Variants in FOXP4 observed in about 807,000 individuals in gnomAD.
FOXP4 encodes the protein forkhead box protein P4.
Under a neutral mutation model 82.6 loss-of-function variants are expected in FOXP4, and 25 were observed. That is an observed-to-expected ratio of 0.30 (90% CI 0.22 to 0.42). The LOEUF (loss-of-function observed/expected upper bound fraction) is 0.42. Ranked by LOEUF, FOXP4 falls within the 10% of genes least tolerant of loss-of-function variation. The pLI is 1.00. For synonymous variants in FOXP4, 415 were observed against 388.2 expected (o/e 1.07, Z -0.81); for missense variants, 785 against 900.9 (o/e 0.87, Z 1.65).
At chr6:41,565,612 G>A (rs77244684) in intron 1 of FOXP4, 133 bp from the exon 2 acceptor site, 3 of 800,488 alleles carry the variant, frequency 3.7e-6, no homozygotes, top group East Asian at 5.0e-5. Flanking sequence ...CCCAGGAGCA[G>A]CCTCTGGGAA....
rs1766659180 is a variant in FOXP4 at position 41,593,852 on chromosome 6, G to A, written c.1537-1018G>A. ...AGAGGGATCTCCAGGGGCACGGGCT[G>A]CCTGCCCTACCCGCTTTCTTCCCCG... On this transcript the variant is annotated intron_variant, in intron 13 of 16. Transcript: ENST00000307972. The surrounding 1 kb of genome is among the most constrained non-coding windows in gnomAD (Gnocchi z 4.1). 6.6e-6 allele frequency among the ~76,000 whole-genome samples: 1 copy of A among 152,228 alleles called. No individual in the cohort carries two copies. The highest frequency in any genetic ancestry group is 2.1e-4 in the South Asian group (1 of 4,832).
At chr6:41,587,197 C>T in intron 6 of FOXP4, 41 bp downstream of exon 6, 2 of 1,609,280 alleles carry the variant, frequency 1.2e-6, no homozygotes, top group Non-Finnish European at 1.7e-6. Context: ...CCCAACCCCA[C>T]AGCCCTGCCT....
At chr6:41,552,015 C>T (rs1392226480) in intron 1 of FOXP4, among the ~76,000 whole-genome samples, 4 of 152,200 alleles carry the variant, frequency 2.6e-5, no homozygotes, top group African/African-American at 4.8e-5. Flanking sequence ...CCAGCTGAGA[C>T]AGGACATGTG....
intron 8 of FOXP4, among the ~76,000 whole-genome samples, 188 bp downstream of exon 8, chr6:41,588,085 A>G (rs958110243): frequency 6.6e-6 from 1 of 152,046 alleles, no homozygotes; most frequent in African/African-American, 2.4e-5. Flanking sequence ...TACCCTGTCT[A>G]TATTTCTGGG....
chr6:41,581,237 C>A (rs549851637), intron 3 of FOXP4, among the ~76,000 whole-genome samples: 1 of 152,246 alleles, frequency 6.6e-6, no homozygotes, highest in Non-Finnish European at 1.5e-5. Flanking sequence ...CATTGCCCCC[C>A]ACTCACAGGG....
intron 3 of FOXP4, among the ~76,000 whole-genome samples, chr6:41,582,296 A>T (rs1016736873): frequency 2.0e-5 from 3 of 152,168 alleles, no homozygotes; most frequent in Non-Finnish European, 4.4e-5. Context: ...CACCATCCTC[A>T]CAGGGTTGCC....
chr6:41,596,434 G>T (rs1766837701), intron 14 of FOXP4, among the ~76,000 whole-genome samples: 1 of 152,202 alleles, frequency 6.6e-6, no homozygotes, highest in South Asian at 2.1e-4. Context: ...CCAGGCAGGA[G>T]CCTTTGCACC....
intron 1 of FOXP4, among the ~76,000 whole-genome samples, chr6:41,556,481 C>T (rs1276188202): frequency 6.6e-6 from 1 of 152,012 alleles, no homozygotes; most frequent in Admixed American, 6.6e-5. Flanking sequence ...CCCGCCAACA[C>T]GCCCAGCTAA....
Position 41,593,655 on chromosome 6 carries a change from G to A in FOXP4, c.1537-1215G>A, listed in dbSNP as rs141215657. On this transcript the variant is annotated intron_variant, in intron 13 of 16. Transcript: ENST00000307972. The surrounding 1 kb of genome is among the most constrained non-coding windows in gnomAD (Gnocchi z 4.1). ...TTTATTCCGAGGCAGGAGCCCCGGC[G>A]TGATTAGGCCCTTTGTAATTATCGC... 1.3e-5 allele frequency among the ~76,000 whole-genome samples: 2 copies of A among 152,212 alleles called. No homozygotes were observed. Among genetic ancestry groups the A allele is most frequent in the East Asian group, 1.9e-4 (1 of 5,198 alleles).
chr6:41,581,061 G>GC (rs1200942005), intron 3 of FOXP4, among the ~76,000 whole-genome samples: 1 of 152,222 alleles, frequency 6.6e-6, no homozygotes, highest in Non-Finnish European at 1.5e-5. Context: ...GGCAAAGGTG[G>GC]CTGGGGCCTT....
intron 1 of FOXP4, among the ~76,000 whole-genome samples, chr6:41,564,788 A>G (rs1364469769): frequency 2.6e-5 from 4 of 151,922 alleles, no homozygotes; most frequent in Non-Finnish European, 5.9e-5. Context: ...TGAGGGCTTT[A>G]AAATGGAAGA....
intron 2 of FOXP4, among the ~76,000 whole-genome samples, chr6:41,576,728 G>A (rs1256217164): frequency 6.6e-6 from 1 of 152,142 alleles, no homozygotes; most frequent in Non-Finnish European, 1.5e-5. Context: ...CTAGTAATTT[G>A]GAGATGGGTA....
At chr6:41,584,943 C>T (rs1402111154) in intron 4 of FOXP4, 52 bp downstream of exon 4, 1 of 1,544,140 alleles carries the variant, frequency 6.5e-7, no homozygotes, top group Admixed American at 1.9e-5. Flanking sequence ...TGGCCTGGCT[C>T]CTCCCACCCT....
Position 41,590,087 on chromosome 6 carries a change from C to T in FOXP4, c.1274C>T (p.Pro425Leu), listed in dbSNP as rs1413209908. The change falls in exon 11 of 17, where the codon CCT (proline) becomes CTT (leucine). Residue 425 changes from proline to leucine, a missense_variant. Pro to Leu is a moderately conservative substitution (Grantham distance 98). Around this residue, in one of 3 missense-constraint regions of FOXP4, gnomAD observed 570 missense variants for 634.0 expected, o/e 0.90. Transcript: ENST00000307972. ...GCCCCTGTCACCCCTCTACGGCCCC[C>T]TGGCCTGGGCTCTGCCTCCCTGCAT... ...AAAPVTPLRP[P>L]GLGSASLHGG... 2 of 1,613,772 alleles carry T rather than the reference C, an allele frequency of 1.2e-6. No individual in the cohort carries two copies. The highest frequency in any genetic ancestry group is 1.7e-6 in the Non-Finnish European group (2 of 1,179,890).
At chr6:41,578,463 T>C (rs938771647) in intron 3 of FOXP4, among the ~76,000 whole-genome samples, 6 of 151,912 alleles carry the variant, frequency 3.9e-5, no homozygotes, top group Non-Finnish European at 8.8e-5. Context: ...TGTGTTCCTG[T>C]GTCTGGGGCT....
At chr6:41,597,122 G>A (rs758909967) in intron 14 of FOXP4, 54 bp from the exon 15 acceptor site, 14 of 1,576,044 alleles carry the variant, frequency 8.9e-6, no homozygotes, top group South Asian at 6.6e-5. Context: ...AAAGAGATGC[G>A]AATGAAGAGC....
At position 41,591,210 on chromosome 6, in the gene FOXP4, C is replaced by A; in HGVS notation, c.1435-11C>A. 1 of 1,601,150 alleles carries A rather than the reference C, an allele frequency of 6.2e-7. No homozygotes were observed. The highest frequency in any genetic ancestry group is 8.5e-7 in the Non-Finnish European group (1 of 1,173,322). ...AGGCTGACGGTCCCTTTGCTTGTTCCTTCCCCGCAGGCCATCCTGGAAACC... is the reference window on the plus strand; with the variant it reads ...AGGCTGACGGTCCCTTTGCTTGTTCATTCCCCGCAGGCCATCCTGGAAACC... On this transcript the variant is annotated splice_polypyrimidine_tract_variant and intron_variant, in intron 12 of 16. Transcript: ENST00000307972. This position sits in a 1 kb window ranked among gnomAD's most constrained non-coding sequence, Gnocchi z 4.2.
rs1460016550 is a variant in FOXP4, at chr6:41,576,079, G to A, written c.205-1907G>A. On this transcript the variant is annotated intron_variant, in intron 2 of 16. Transcript: ENST00000307972. ...CCCCCCCACCCTTCCTCCTCTTTCC[G>A]CAGAGCCTTTTGACTTAGAAAGGTC... Among the ~76,000 whole-genome samples, 9 of 128,186 alleles carry A rather than the reference G, an allele frequency of 7.0e-5. No homozygotes were observed. The South Asian group carries it at 1.1e-3, about 16-fold the overall frequency. 84.1% of individuals were successfully genotyped at this position (128,186 alleles called of 152,430 possible).
chr6:41,585,585 T>G, intron 5 of FOXP4, 68 bp downstream of exon 5: 1 of 1,432,084 alleles, frequency 7.0e-7, no homozygotes, highest in Non-Finnish European at 9.6e-7. Flanking sequence ...CCAGAGCTGG[T>G]CAGGAGGGAA....
Sources: gnomAD v4.1 joint callset for allele counts (sites outside exome capture counted in the v4.1 genomes callset) on GRCh38, gnomAD v4.1.1 for gene constraint, gnomAD v4.1.1 regional missense constraint, Gnocchi (gnomAD v3.1) non-coding constraint, MANE v1.5 for transcripts, NCBI Gene and HGNC (gene_info 2026-07-23, HGNC 2026-07-21) for gene names.